Variants in SELENON observed in about 807,000 individuals in gnomAD.
SELENON encodes the protein selenoprotein N.
Under a neutral mutation model 59.5 loss-of-function variants are expected in SELENON, and 44 were observed. The observed-to-expected ratio is 0.74, with a 90% CI of 0.58 to 0.95. The LOEUF (loss-of-function observed/expected upper bound fraction) is 0.95. Among genes scored for constraint, SELENON ranks in the 40% least tolerant of loss-of-function variants. The pLI is 0.00. For missense variants in SELENON, 674 were observed against 721.4 expected (o/e 0.93, Z 0.75); for synonymous variants, 320 against 305.6 (o/e 1.05, Z -0.49).
At chr1:25,813,647 C>T in intron 10 of SELENON, 1 of 612,060 alleles carries the variant, frequency 1.6e-6, no homozygotes, top group Non-Finnish European at 3.1e-6. Flanking sequence ...TCACTGTCTG[C>T]AAGTCCCCAG....
At chr1:25,801,681 A>C (rs2047861846) in intron 2 of SELENON, among the ~76,000 whole-genome samples, 1 of 105,902 alleles carries the variant, frequency 9.4e-6, no homozygotes, top group African/African-American at 3.2e-5. Flanking sequence ...ACAAAGCAAA[A>C]CCAAAAAAAC....
In SELENON at chr1:25,815,690, GGCGTGGCCTGCCCCTCCTCCA is replaced by G. The variant is rs1557434790; in HGVS notation, c.1748_1768del (p.Arg583_Gln589del). On this transcript the variant is annotated inframe_deletion, in exon 13 of 13. Transcript: ENST00000361547. ...ATGCAGTTCCTGAAGGAGGGACTCC[GGCGTGGCCTGCCCCTCCTCCA>G]GCCCTAGAGTGCCTGGACGGGATCT... The G allele has an allele frequency of 1.2e-6, 2 of 1,614,058 alleles. No homozygotes were observed. Among genetic ancestry groups the G allele is most frequent in the Non-Finnish European group, 1.7e-6 (2 of 1,180,026 alleles).
intron 3 of SELENON, among the ~76,000 whole-genome samples, chr1:25,804,155 G>A (rs2047882848): frequency 6.6e-6 from 1 of 152,188 alleles, no homozygotes; most frequent in South Asian, 2.1e-4. Flanking sequence ...ACAGAAATAA[G>A]TGATTCTTCA....
rs754350384 is a variant in SELENON, at chr1:25,815,649, G to A, written c.1704G>A (p.Pro568=). 5.1e-5 allele frequency: 83 copies of A among 1,614,062 alleles called. No homozygotes were observed. The highest frequency in any genetic ancestry group is 3.5e-4 in the South Asian group (32 of 91,090). Residue 568 remains proline (P), a synonymous_variant, in exon 13 of 13, where the codon CCG becomes CCA. Transcript: ENST00000361547. ...GCTTCTCATCCACCTTTGAAGACCC[G>A]TCCACGGCCACCTACATGCAGTTCC...
rs1311923186 is a variant in SELENON, at chr1:25,811,789, G to T, written c.1191G>T (p.Gln397His). The T allele has an allele frequency of 6.1e-5, 97 of 1,590,202 alleles. 1 individual carries two copies. Among genetic ancestry groups the T allele is most frequent in the Non-Finnish European group, 8.2e-5 (96 of 1,168,602 alleles). Residue 397 changes from glutamine (Q) to histidine (H), a missense_variant, in exon 9 of 13, where the codon CAG becomes CAT. Transcript: ENST00000361547. ...ACCTGCCTTCAGGGGAGCCCCTGCA[G>T]TTTGTGTTTGAGGAGATCAAGTGGC...
At chr1:25,808,930 G>A in intron 5 of SELENON, 96 bp from the exon 5 acceptor site, 2 of 1,602,792 alleles carry the variant, frequency 1.2e-6, no homozygotes, top group East Asian at 2.2e-5. Flanking sequence ...CTCCCCATGG[G>A]GCCCCTGGGC....
Position 25,817,561 on chromosome 1 carries a change from C to A in SELENON, c.*1843C>A, listed in dbSNP as rs571789143. The A allele has an allele frequency of 6.6e-6, 1 of 152,210 alleles. No individual in the cohort carries two copies. The highest frequency in any genetic ancestry group is 6.5e-5 in the Admixed American group (1 of 15,284). 9.4% of individuals were successfully genotyped at this position (152,210 alleles called of 1,614,324 possible). A position where few individuals can be genotyped will look rare whatever the true frequency, so the allele number is the denominator to read the frequency against. ...CCAGTCATCGCTAATATTACACGCA[C>A]CTTCTCACTTAATCCTCACGACAAG... is the stretch of plus-strand genomic sequence containing the variant. On this transcript the variant is annotated 3_prime_UTR_variant, in exon 13 of 13. Transcript: ENST00000361547.
At position 25,813,932 on chromosome 1, in the gene SELENON, C is replaced by A. The variant is rs2047987815; in HGVS notation, c.1439C>A (p.Thr480Asn). ...GTCCTGGAAAGTTCGCCCATCCTCACCCTGCTCAACGAGAGCTTCATCAGC... is the reference window on the plus strand; with the variant it reads ...GTCCTGGAAAGTTCGCCCATCCTCAACCTGCTCAACGAGAGCTTCATCAGC... The change falls in exon 11 of 13, where the codon ACC becomes AAC. Residue 480 changes from threonine to asparagine, a missense_variant. Coordinates refer to ENST00000361547, the MANE Select transcript of SELENON (RefSeq NM_020451.3). 6.2e-7 allele frequency: 1 copy of A among 1,614,194 alleles called. No homozygotes were observed. Among genetic ancestry groups the A allele is most frequent in the East Asian group, 2.2e-5 (1 of 44,882 alleles).
chr1:25,808,599 C>G lies in SELENON; in HGVS notation c.557C>G (p.Ser186Cys). The G allele has an allele frequency of 6.2e-7, 1 of 1,613,748 alleles. No individual in the cohort carries two copies. Among genetic ancestry groups the G allele is most frequent in the Non-Finnish European group, 8.5e-7 (1 of 1,179,920 alleles). The change falls in exon 5 of 13, where the codon TCC becomes TGC. Residue 186 changes from serine to cysteine, a missense_variant. Transcript: ENST00000361547. ...CCCCAGGTCTCCCGCCTCGCCCTGTCCGGCCTCCGAAACTGGACAGCCGCC... is the reference window on the plus strand; with the variant it reads ...CCCCAGGTCTCCCGCCTCGCCCTGTGCGGCCTCCGAAACTGGACAGCCGCC...
chr1:25,812,462 T>C lies in SELENON; in HGVS notation c.1282-225T>C, dbSNP rs377063951. ...ACAAACACACACACTAACATATATATACACACACACATACACACATATACA... is the reference window on the plus strand; with the variant it reads ...ACAAACACACACACTAACATATATACACACACACACATACACACATATACA... On this transcript the variant is annotated intron_variant, in intron 9 of 12. Coordinates refer to ENST00000361547, the MANE Select transcript of SELENON (RefSeq NM_020451.3). Among the ~76,000 whole-genome samples, 844 of 146,946 alleles carry C rather than the reference T, an allele frequency of 5.7e-3. 9 individuals carry two copies. Among genetic ancestry groups the C allele is most frequent in the African/African-American group, 0.021 (776 of 36,750 alleles).
chr1:25,814,207 G>A (rs1470002730), intron 12 of SELENON, 29 bp downstream of exon 11: 48 of 1,597,450 alleles, frequency 3.0e-5, no homozygotes, highest in Non-Finnish European at 4.0e-5. Context: ...ACCCCACAGG[G>A]CCCAGGCACC....
intron 3 of SELENON, among the ~76,000 whole-genome samples, chr1:25,803,390 C>G (rs546299307): frequency 6.6e-6 from 1 of 152,248 alleles, no homozygotes; most frequent in South Asian, 2.1e-4. Context: ...CAGGGGGAAT[C>G]AAATCCAAGC....
intron 6 of SELENON, 60 bp downstream of exon 5, chr1:25,809,210 G>T: frequency 6.2e-7 from 1 of 1,610,534 alleles, no homozygotes; most frequent in Admixed American, 1.7e-5. Context: ...ACAGCGCCCA[G>T]AGGGGAGGGC....
intron 3 of SELENON, among the ~76,000 whole-genome samples, chr1:25,803,459 C>T (rs950633687): frequency 6.6e-6 from 1 of 152,160 alleles, no homozygotes; most frequent in Non-Finnish European, 1.5e-5. Context: ...AATTTTCTGC[C>T]TTATCCCTTA....
In SELENON at chr1:25,811,451, C is replaced by T. The variant is rs2047958521; in HGVS notation, c.1011-3C>T. On this transcript the variant is annotated splice_region_variant and splice_polypyrimidine_tract_variant and intron_variant, in intron 7 of 12. Coordinates refer to ENST00000361547, the MANE Select transcript of SELENON (RefSeq NM_020451.3). ...TGGTGTCACTCTGCCCTGGCCATCC[C>T]AGGTCTCTGAATGTGGACATGGAGT... is the stretch of plus-strand genomic sequence containing the variant. 6.2e-7 allele frequency: 1 copy of T among 1,613,520 alleles called. No individual in the cohort carries two copies. Among genetic ancestry groups the T allele is most frequent in the South Asian group, 1.1e-5 (1 of 91,080 alleles).
chr1:25,809,567 C>T, intron 6 of SELENON, 116 bp from the exon 6 acceptor site: 2 of 1,446,712 alleles, frequency 1.4e-6, no homozygotes, highest in Non-Finnish European at 1.9e-6. Context: ...GCCCACTGGC[C>T]CATCCACCTC....
In SELENON at chr1:25,817,714, C is replaced by T. The variant is rs2048023486; in HGVS notation, c.*1996C>T. On this transcript the variant is annotated 3_prime_UTR_variant, in exon 13 of 13. Transcript: ENST00000361547. Reference sequence around the variant, plus strand: ...CCACATGTGGCTCCAAAGTCTGCATCTGGATTTGGGGGTGTTTTTTGGCAT... The same window carrying T: ...CCACATGTGGCTCCAAAGTCTGCATTTGGATTTGGGGGTGTTTTTTGGCAT... The T allele has an allele frequency of 6.6e-6, 1 of 152,210 alleles. No individual in the cohort carries two copies. The highest frequency in any genetic ancestry group is 6.5e-5 in the Admixed American group (1 of 15,282). 9.4% of individuals were successfully genotyped at this position (152,210 alleles called of 1,614,324 possible). A position where few individuals can be genotyped will look rare whatever the true frequency, so the allele number is the denominator to read the frequency against.
intron 4 of SELENON, among the ~76,000 whole-genome samples, chr1:25,808,068 G>T (rs888602984): frequency 3.0e-4 from 46 of 152,302 alleles, no homozygotes; most frequent in African/African-American, 1.1e-3. Context: ...GCTCCAAACC[G>T]AAACCCTGAG....
intron 7 of SELENON, among the ~76,000 whole-genome samples, chr1:25,810,990 G>A (rs908254893): frequency 1.3e-5 from 2 of 152,224 alleles, no homozygotes; most frequent in Admixed American, 1.3e-4. Flanking sequence ...TGCTGCGGAG[G>A]TGGTGGTTTG....
Sources: gnomAD v4.1 joint callset for allele counts (sites outside exome capture counted in the v4.1 genomes callset) on GRCh38, gnomAD v4.1.1 for gene constraint, MANE v1.5 for transcripts, NCBI Gene and HGNC (gene_info 2026-07-23, HGNC 2026-07-21) for gene names.